The following CHMP4B variants were observed in gnomAD, a reference collection of about 807,000 sequenced individuals.
The protein encoded by CHMP4B is charged multivesicular body protein 4B, also known as SNF7 homolog associated with Alix 1.
CHMP4B carries 1 observed loss-of-function variant against 25.1 expected under a neutral mutation model. That is an observed-to-expected ratio of 0.04 (90% CI 0.01 to 0.19). The LOEUF (loss-of-function observed/expected upper bound fraction) is 0.19. Among genes scored for constraint, CHMP4B ranks in the 10% least tolerant of loss-of-function variants. CHMP4B has a pLI of 1.00. For synonymous variants in CHMP4B, 101 were observed against 115.6 expected (o/e 0.87, Z 0.81); for missense variants, 151 against 289.7 (o/e 0.52, Z 3.48).
intron 1 of CHMP4B, among the ~76,000 whole-genome samples, chr20:33,813,764 G>A (rs371501859): frequency 3.3e-5 from 5 of 151,988 alleles, no homozygotes; most frequent in Non-Finnish European, 7.4e-5. Flanking sequence ...ACGGAGTCTC[G>A]CTCTGTTGCC....
Position 33,811,561 on chromosome 20 carries a change from C to G in CHMP4B, c.93C>G (p.Asp31Glu). 1.2e-6 allele frequency: 2 copies of G among 1,613,192 alleles called. No individual in the cohort carries two copies. Among genetic ancestry groups the G allele is most frequent in the Non-Finnish European group, 1.7e-6 (2 of 1,179,720 alleles). Residue 31 changes from aspartate to glutamate, a missense_variant, in exon 1 of 5, where the codon GAC (aspartate) becomes GAG (glutamate). Around this residue, in one of 3 missense-constraint regions of CHMP4B, gnomAD observed 82 missense variants for 208.3 expected, o/e 0.39. Coordinates refer to ENST00000217402, the MANE Select transcript of CHMP4B (RefSeq NM_176812.5). ...TPQEAIQRLR[D>E]TEEMLSKKQE... ...AGGAGGCCATCCAGCGGCTGCGGGACACGGAAGAGATGTTAAGCAAGAAAC... is the reference window on the plus strand; with the variant it reads ...AGGAGGCCATCCAGCGGCTGCGGGAGACGGAAGAGATGTTAAGCAAGAAAC...
intron 4 of CHMP4B, among the ~76,000 whole-genome samples, chr20:33,852,532 T>G (rs1312104427): frequency 6.6e-6 from 1 of 152,204 alleles, no homozygotes; most frequent in Non-Finnish European, 1.5e-5. Flanking sequence ...ATCCCTGGCC[T>G]CTGCTAGATG....
chr20:33,827,201 C>G (rs1418939356), intron 1 of CHMP4B, among the ~76,000 whole-genome samples: 1 of 152,216 alleles, frequency 6.6e-6, no homozygotes, highest in Non-Finnish European at 1.5e-5. Flanking sequence ...CACAGTAGTT[C>G]AGACTCTGTC....
chr20:33,842,080 T>TG (rs1168798533), intron 1 of CHMP4B, among the ~76,000 whole-genome samples: 2 of 152,148 alleles, frequency 1.3e-5, no homozygotes. Flanking sequence ...TGGTCTTCGT[T>TG]ATCTCCAAGA....
intron 1 of CHMP4B, 98 bp from the exon 2 acceptor site, chr20:33,848,369 C>A: frequency 8.5e-7 from 1 of 1,177,734 alleles, no homozygotes; most frequent in Non-Finnish European, 1.3e-6. Context: ...GAAGCAACAA[C>A]AGAGGTGCTT....
At chr20:33,836,129 T>A (rs6057916) in intron 1 of CHMP4B, among the ~76,000 whole-genome samples, 5,778 of 152,302 alleles carry the variant, frequency 0.038, 357 homozygotes, top group African/African-American at 0.13. Flanking sequence ...ACTGTTTTCA[T>A]CTCTTTGCTA....
chr20:33,842,758 A>G (rs1031396682), intron 1 of CHMP4B, among the ~76,000 whole-genome samples: 3 of 152,234 alleles, frequency 2.0e-5, no homozygotes, highest in Admixed American at 2.0e-4. Context: ...CTTCAAATGT[A>G]GACTCTGGGG....
intron 1 of CHMP4B, 136 bp downstream of exon 1, chr20:33,811,794 T>G: frequency 1.1e-6 from 1 of 877,172 alleles, no homozygotes; most frequent in Non-Finnish European, 1.8e-6. Flanking sequence ...TTGCCGGGTC[T>G]GGGACCCCCT....
At chr20:33,850,155 T>A (rs1376273578) in intron 2 of CHMP4B, among the ~76,000 whole-genome samples, 1 of 152,192 alleles carries the variant, frequency 6.6e-6, no homozygotes, top group Non-Finnish European at 1.5e-5. Flanking sequence ...CGCAGCAGGG[T>A]TAAGTATTTG....
intron 1 of CHMP4B, among the ~76,000 whole-genome samples, chr20:33,824,086 C>G (rs929396966): frequency 1.3e-5 from 2 of 152,224 alleles, no homozygotes; most frequent in African/African-American, 4.8e-5. Flanking sequence ...TATGCTTATT[C>G]TGCAGAGGAA....
intron 1 of CHMP4B, among the ~76,000 whole-genome samples, chr20:33,820,154 G>A (rs1011857689): frequency 6.6e-6 from 1 of 151,970 alleles, no homozygotes; most frequent in Non-Finnish European, 1.5e-5. Flanking sequence ...CTCCAGCCTG[G>A]GCAACAGAGC....
intron 1 of CHMP4B, among the ~76,000 whole-genome samples, chr20:33,843,114 G>C (rs952736631): frequency 6.6e-6 from 1 of 152,198 alleles, no homozygotes; most frequent in Non-Finnish European, 1.5e-5. Flanking sequence ...ACGTCTTTTT[G>C]ACTGGTCTCT....
rs748919920 is a variant in CHMP4B, at chr20:33,811,645, C to A, written c.177C>A (p.Thr59=). Residue 59 remains threonine (T), a synonymous_variant, in exon 1 of 5, where the codon ACC becomes ACA. Coordinates refer to ENST00000217402, the MANE Select transcript of CHMP4B (RefSeq NM_176812.5). ...QELTAAKKHG[T]KNKRAALQAL... ...TGACGGCCGCCAAGAAGCACGGCAC[C>A]AAAAACAAGCGCGGTGAGGCTGCCC... is the stretch of plus-strand genomic sequence containing the variant. 1.2e-6 allele frequency: 2 copies of A among 1,613,700 alleles called. No homozygotes were observed. Among genetic ancestry groups the A allele is most frequent in the Admixed American group, 3.3e-5 (2 of 59,978 alleles).
At chr20:33,829,541 A>G (rs1364466712) in intron 1 of CHMP4B, among the ~76,000 whole-genome samples, 1 of 152,234 alleles carries the variant, frequency 6.6e-6, no homozygotes, top group Non-Finnish European at 1.5e-5. Flanking sequence ...TTTGGCCTGA[A>G]TTTCTTTCTT....
chr20:33,853,688 C>A lies in CHMP4B; in HGVS notation c.*128C>A. 1 of 692,142 alleles carries A rather than the reference C, an allele frequency of 1.4e-6. No individual in the cohort carries two copies. The highest frequency in any genetic ancestry group is 2.5e-6 in the Non-Finnish European group (1 of 398,040). 42.9% of individuals were successfully genotyped at this position (692,142 alleles called of 1,614,324 possible). On this transcript the variant is annotated 3_prime_UTR_variant, in exon 5 of 5. Transcript: ENST00000217402. Reference sequence around the variant, plus strand: ...ATCGCTTTCGACTCTCACTCCAAAGCAGTAGGGCCGCGTTGCTGCTCACTC... The same window carrying A: ...ATCGCTTTCGACTCTCACTCCAAAGAAGTAGGGCCGCGTTGCTGCTCACTC...
In CHMP4B at chr20:33,835,381, A is replaced by G. The variant is rs147335358; in HGVS notation, c.191-13086A>G. On this transcript the variant is annotated intron_variant, in intron 1 of 4. Coordinates refer to ENST00000217402, the MANE Select transcript of CHMP4B (RefSeq NM_176812.5). Reference sequence around the variant, plus strand: ...TATCTGTGGGTTTAAAGTTTTCATCAAAGTGGAAAATTTTTGGCCGTTATT... The same window carrying G: ...TATCTGTGGGTTTAAAGTTTTCATCGAAGTGGAAAATTTTTGGCCGTTATT... Among the ~76,000 whole-genome samples, 1,422 of 152,262 alleles carry G rather than the reference A, an allele frequency of 9.3e-3. 17 individuals are homozygous for G. Among genetic ancestry groups the G allele is most frequent in the African/African-American group, 0.032 (1,321 of 41,558 alleles).
intron 1 of CHMP4B, among the ~76,000 whole-genome samples, chr20:33,823,874 C>T (rs933572351): frequency 6.6e-6 from 1 of 151,982 alleles, no homozygotes; most frequent in Non-Finnish European, 1.5e-5. Flanking sequence ...GGGGGTGTCA[C>T]TATGTTGGCC....
intron 1 of CHMP4B, among the ~76,000 whole-genome samples, chr20:33,843,009 G>A (rs777067583): frequency 2.6e-5 from 4 of 152,222 alleles, no homozygotes; most frequent in Non-Finnish European, 4.4e-5. Flanking sequence ...AGAAAGGAAC[G>A]TCCTGTCTAG....
chr20:33,817,492 C>A (rs975113543), intron 1 of CHMP4B, among the ~76,000 whole-genome samples: 1 of 152,162 alleles, frequency 6.6e-6, no homozygotes, highest in African/African-American at 2.4e-5. Flanking sequence ...CTTGGAGAAA[C>A]CTTGAGTTGT....
Sources: allele counts gnomAD v4.1 joint callset (sites outside exome capture counted in the v4.1 genomes callset), GRCh38; gene constraint gnomAD v4.1.1; regional missense constraint gnomAD v4.1.1; transcripts MANE v1.5; gene names NCBI Gene and HGNC (gene_info 2026-07-23, HGNC 2026-07-21).